The following HPSE2 variants were observed in gnomAD, a reference collection of about 807,000 sequenced individuals.
The protein encoded by HPSE2 is heparanase 2 (inactive).
HPSE2 carries 38 observed loss-of-function variants against 60.5 expected under a neutral mutation model. The ratio of observed to expected loss-of-function variants is 0.63; its 90% CI spans 0.48 to 0.82. The LOEUF (loss-of-function observed/expected upper bound fraction) is 0.82, where lower values mean the gene tolerates loss of function less well. Ranked by LOEUF, HPSE2 falls within the 40% of genes least tolerant of loss-of-function variation. The pLI, the probability that HPSE2 is intolerant of heterozygous loss-of-function variation, is 0.00. For missense variants in HPSE2, 713 were observed against 740.4 expected, an observed-to-expected ratio of 0.96 and a Z score of 0.43; for synonymous variants, 295 against 293.2, an observed-to-expected ratio of 1.01 and a Z score of -0.06.
intron 9 of HPSE2, among the ~76,000 whole-genome samples, chr10:98,578,587 A>G (rs946915898): frequency 3.3e-5 from 5 of 152,258 alleles, no homozygotes; most frequent in African/African-American, 1.2e-4. Context: ...CAAAGTAAAT[A>G]TCAAATAGTC....
At chr10:99,265,209 G>T in the HPSE2 span, among the ~76,000 whole-genome samples, 1 of 152,126 alleles carries the variant, frequency 6.6e-6, no homozygotes, top group Non-Finnish European at 1.5e-5. Context: ...ATTCTCCCCT[G>T]CCCTTAAGAA....
At chr10:98,572,447 G>A (rs969969336) in intron 9 of HPSE2, among the ~76,000 whole-genome samples, 1 of 152,074 alleles carries the variant, frequency 6.6e-6, no homozygotes, top group African/African-American at 2.4e-5. Context: ...TTGGCTGCTT[G>A]CTCTAATTTT....
chr10:99,028,604 T>C (rs1173682575), intron 3 of HPSE2, among the ~76,000 whole-genome samples: 1 of 152,060 alleles, frequency 6.6e-6, no homozygotes, highest in Non-Finnish European at 1.5e-5. Flanking sequence ...ACAATACCAA[T>C]GACATTCTTC....
chr10:99,058,324 T>C (rs952975963), intron 3 of HPSE2, among the ~76,000 whole-genome samples: 2 of 152,192 alleles, frequency 1.3e-5, no homozygotes, highest in Non-Finnish European at 2.9e-5. Context: ...GTTAATGAAA[T>C]CTTGTTTGAA....
intron 2 of HPSE2, among the ~76,000 whole-genome samples, chr10:99,179,332 C>T (rs1352107785): frequency 1.3e-5 from 2 of 152,152 alleles, no homozygotes; most frequent in Non-Finnish European, 2.9e-5. Context: ...GTCAAATTGT[C>T]CCTGTTTGCA....
intron 3 of HPSE2, among the ~76,000 whole-genome samples, chr10:98,778,836 T>A (rs933224330): frequency 1.3e-5 from 2 of 152,216 alleles, no homozygotes; most frequent in Non-Finnish European, 2.9e-5. Flanking sequence ...GAACTTGCTA[T>A]GAATAAATTA....
At chr10:98,694,687 G>A (rs1334117527) in intron 5 of HPSE2, among the ~76,000 whole-genome samples, 1 of 152,126 alleles carries the variant, frequency 6.6e-6, no homozygotes, top group African/African-American at 2.4e-5. Context: ...GATGCATCTG[G>A]GGGCCCAAAG....
intron 3 of HPSE2, among the ~76,000 whole-genome samples, chr10:99,049,109 G>C (rs750035319): frequency 4.6e-5 from 7 of 152,148 alleles, no homozygotes; most frequent in Non-Finnish European, 1.0e-4. Flanking sequence ...GGCTTGGCTT[G>C]AAAAATCTGC....
chr10:98,763,530 CTT>C, intron 3 of HPSE2, among the ~76,000 whole-genome samples: 1 of 16,626 alleles, frequency 6.0e-5, no homozygotes, highest in South Asian at 3.7e-3. Context: ...CATGTGTTCT[CTT>C]CTCTGGAATC....
intron 9 of HPSE2, among the ~76,000 whole-genome samples, chr10:98,606,557 G>C (rs1259053566): frequency 6.6e-6 from 1 of 152,218 alleles, no homozygotes; most frequent in Non-Finnish European, 1.5e-5. Context: ...TAGAATAGAA[G>C]GCAGGTCTTC....
chr10:99,094,292 G>A (rs781309101), intron 3 of HPSE2, among the ~76,000 whole-genome samples: 2 of 151,288 alleles, frequency 1.3e-5, no homozygotes, highest in Admixed American at 6.6e-5. Flanking sequence ...GTATTGAAAC[G>A]TTCTCTATGA....
intron 5 of HPSE2, among the ~76,000 whole-genome samples, chr10:98,708,835 A>G (rs1445676100): frequency 6.6e-6 from 1 of 152,336 alleles, no homozygotes; most frequent in African/African-American, 2.4e-5. Flanking sequence ...GAAGTCTTCG[A>G]ATAATATTTA....
intron 9 of HPSE2, among the ~76,000 whole-genome samples, chr10:98,565,050 C>T (rs1564972402): frequency 6.6e-6 from 1 of 152,194 alleles, no homozygotes; most frequent in East Asian, 1.9e-4. Flanking sequence ...AACTGGTTCC[C>T]ATGGTCTACA....
rs541082510 is a variant in HPSE2 at position 99,118,877 on chromosome 10, C to T, written c.610+25361G>A. On this transcript the variant is annotated intron_variant, in intron 3 of 11. Coordinates refer to ENST00000370552, the MANE Select transcript of HPSE2 (RefSeq NM_021828.5). The stretch of plus-strand genomic sequence containing the variant: ...ACGAAAAATACAAAAATTAGCTGGG[C>T]GTGGTGGTAGGCACCTGTATTCCCA... Among the ~76,000 whole-genome samples, 113 of 151,736 alleles carry T rather than the reference C, an allele frequency of 7.4e-4. 1 individual carries two copies. In the South Asian group the frequency reaches 0.022, roughly 30 times the overall value.
At chr10:98,921,425 A>G (rs1362091354) in intron 3 of HPSE2, among the ~76,000 whole-genome samples, 1 of 152,188 alleles carries the variant, frequency 6.6e-6, no homozygotes, top group East Asian at 1.9e-4. Context: ...GCCTTCACTC[A>G]CAGCAGCAAA....
At chr10:98,922,605 C>CCGA (rs1954314482) in intron 3 of HPSE2, among the ~76,000 whole-genome samples, 1 of 152,044 alleles carries the variant, frequency 6.6e-6, no homozygotes, top group Non-Finnish European at 1.5e-5. Context: ...TCTGGCAAGG[C>CCGA]TGATGGTGAA....
At position 99,218,699 on chromosome 10, in the gene HPSE2, G is replaced by A. The variant is rs555130616; in HGVS notation, c.448+13649C>T. ...GTTGAAAATCCTGACTTTTGGACAG[G>A]GGTGCCATTCATTTGCTTCTACAAA... On this transcript the variant is annotated intron_variant, in intron 2 of 11. Transcript: ENST00000370552. Among the ~76,000 whole-genome samples, 5 of 152,220 alleles carry A rather than the reference G, an allele frequency of 3.3e-5. No homozygotes were observed. In the East Asian group the frequency reaches 7.7e-4, roughly 24 times the overall value.
intron 2 of HPSE2, among the ~76,000 whole-genome samples, chr10:99,208,559 G>A (rs1027155515): frequency 6.6e-6 from 1 of 151,982 alleles, no homozygotes; most frequent in African/African-American, 2.4e-5. Context: ...GATGGTGCAT[G>A]CCTATAGTCC....
the HPSE2 span, among the ~76,000 whole-genome samples, chr10:99,263,575 A>C: frequency 6.6e-6 from 1 of 152,290 alleles, no homozygotes; most frequent in Admixed American, 6.5e-5. Flanking sequence ...TCAGGGGAAC[A>C]CTTACGCTGG....
Sources: gnomAD v4.1 joint callset for allele counts (sites outside exome capture counted in the v4.1 genomes callset) on GRCh38, gnomAD v4.1.1 for gene constraint, MANE v1.5 for transcripts, NCBI Gene and HGNC (gene_info 2026-07-23, HGNC 2026-07-21) for gene names.